ZNF628: variants seen among roughly 807,000 people sequenced by gnomAD.
ZNF628 encodes the protein zinc finger protein 628, also known as zinc finger protein Zec.
ZNF628 carries 3 observed loss-of-function variants against 2.5 expected under a neutral mutation model. That is an observed-to-expected ratio of 1.19 (90% CI 0.54 to 3.07). The LOEUF (loss-of-function observed/expected upper bound fraction) is 3.07. Ranked by LOEUF, ZNF628 falls within the 30% of genes most tolerant of loss-of-function variation. The pLI is 0.03. For synonymous variants in ZNF628, 861 were observed against 717.1 expected (o/e 1.20, Z -3.21); for missense variants, 1,610 against 1,517.1 (o/e 1.06, Z -1.02).
chr19:55,483,375 G>A lies in ZNF628; in HGVS notation c.2182G>A (p.Val728Met), dbSNP rs771919851. ...GGGCCTCCAGCTGATCCCCAGCAGCGTGCAGCCCCCTACACCTCCGCCCCC... is the reference window on the plus strand; with the variant it reads ...GGGCCTCCAGCTGATCCCCAGCAGCATGCAGCCCCCTACACCTCCGCCCCC... ...AQGLQLIPSS[V>M]QPPTPPPPPA... Residue 728 changes from valine (V) to methionine (M), a missense_variant, in exon 3 of 3, where the codon GTG becomes ATG. Physicochemically the swap from Val to Met is conservative, Grantham distance 21. Transcript: ENST00000598519. The A allele has an allele frequency of 2.3e-5, 36 of 1,542,318 alleles. No individual in the cohort carries two copies. Among genetic ancestry groups the A allele is most frequent in the Middle Eastern group, 3.3e-4 (2 of 5,984 alleles).
Position 55,483,075 on chromosome 19 carries a change from G to A in ZNF628, c.1882G>A (p.Gly628Ser), listed in dbSNP as rs748897137. ...GCGCCCCTTCACCTGCCCCATCTGC[G>A]GTCGCGGCTTCGTTATGGCCGCCTA... ...AERPFTCPIC[G>S]RGFVMAAYLQ... Residue 628 changes from glycine to serine, a missense_variant, in exon 3 of 3, where the codon GGT becomes AGT. Physicochemically the swap from Gly to Ser is moderately conservative, Grantham distance 56. This residue lies in a region of ZNF628 where 712 missense variants were observed against 603.6 expected (regional missense o/e 1.18). Coordinates refer to ENST00000598519, the MANE Select transcript of ZNF628 (RefSeq NM_033113.3). 3.7e-6 allele frequency: 6 copies of A among 1,609,624 alleles called. No individual in the cohort carries two copies. Among genetic ancestry groups the A allele is most frequent in the East Asian group, 4.5e-5 (2 of 44,864 alleles).
At chr19:55,477,267 C>T (rs1034624268) in intron 1 of ZNF628, among the ~76,000 whole-genome samples, 1 of 152,126 alleles carries the variant, frequency 6.6e-6, no homozygotes, top group African/African-American at 2.4e-5. Flanking sequence ...AAATGGGACC[C>T]CGCTCTTTCA....
In ZNF628 at chr19:55,482,225, GC is replaced by G; in HGVS notation, c.1037del (p.Pro346LeufsTer81). On this transcript the variant is annotated frameshift_variant, in exon 3 of 3. Transcript: ENST00000598519. LOFTEE classifies it low-confidence loss of function (END_TRUNC). Reference protein sequence around the residue: ...ADQPPSPLPQPPPPAAAPAPG... With the variant: ...ADQPPSPLPQXPPPAAAPAPG... ...ACCAGCCACCGTCCCCTCTGCCGCA[GC>G]CCCCTCCTCCCGCCGCCGCCCCCGC... 1.4e-6 allele frequency: 2 copies of G among 1,458,294 alleles called. No individual in the cohort carries two copies. The highest frequency in any genetic ancestry group is 1.8e-6 in the Non-Finnish European group (2 of 1,112,776). 90.3% of individuals were successfully genotyped at this position (1,458,294 alleles called of 1,614,324 possible). A position where few individuals can be genotyped will look rare whatever the true frequency, so the allele number is the denominator to read the frequency against.
rs1986549724 is a variant in ZNF628 at position 55,476,659 on chromosome 19, G to T, written c.-226G>T. The T allele has an allele frequency of 6.6e-6, 1 of 152,076 alleles. No individual in the cohort carries two copies. Among genetic ancestry groups the T allele is most frequent in the Non-Finnish European group, 1.5e-5 (1 of 67,992 alleles). 9.4% of individuals were successfully genotyped at this position (152,076 alleles called of 1,614,324 possible). On this transcript the variant is annotated 5_prime_UTR_variant, in exon 1 of 3. Coordinates refer to ENST00000598519, the MANE Select transcript of ZNF628 (RefSeq NM_033113.3). ...GCCGCCGATAAAGGTTGGGTGCCTC[G>T]CGCCGGGGGCCGTTGGGAGGGAGTG...
intron 1 of ZNF628, among the ~76,000 whole-genome samples, chr19:55,477,357 T>G (rs1456094688): frequency 2.6e-5 from 4 of 151,858 alleles, no homozygotes; most frequent in East Asian, 1.9e-4. Context: ...AGGTTTGTTT[T>G]TTTTTTTTTT....
In ZNF628 at chr19:55,483,300, G is replaced by T. The variant is rs958523259; in HGVS notation, c.2107G>T (p.Gly703Trp). 2.6e-6 allele frequency: 4 copies of T among 1,521,442 alleles called. No homozygotes were observed. In the Admixed American group the frequency reaches 8.4e-5, roughly 32 times the overall value. 94.2% of individuals were successfully genotyped at this position (1,521,442 alleles called of 1,614,324 possible). ...AGGTAQAPSLGPAAPNSQTFL... is the reference protein window; with the variant it reads ...AGGTAQAPSLWPAAPNSQTFL... The stretch of plus-strand genomic sequence containing the variant: ...GGGCACGGCCCAGGCCCCGAGCTTG[G>T]GGCCAGCAGCGCCCAACTCTCAGAC... Residue 703 changes from glycine to tryptophan, a missense_variant, in exon 3 of 3, where the codon GGG becomes TGG. This residue lies in a region of ZNF628 where 712 missense variants were observed against 603.6 expected (regional missense o/e 1.18). Transcript: ENST00000598519.
In ZNF628 at chr19:55,482,835, C is replaced by G. The variant is rs1347492002; in HGVS notation, c.1642C>G (p.Arg548Gly). ...CTGCGGGGAGTGTGGCAAGGCCTTC[C>G]GCAACACGTCGTGCCTGCGTCGCCA... The part of the protein sequence containing the change: ...YACGECGKAF[R>G]NTSCLRRHRH... The change falls in exon 3 of 3, where the codon CGC becomes GGC. Residue 548 changes from arginine to glycine, a missense_variant. Coordinates refer to ENST00000598519, the MANE Select transcript of ZNF628 (RefSeq NM_033113.3). 3 of 1,610,546 alleles carry G rather than the reference C, an allele frequency of 1.9e-6. No homozygotes were observed. In the African/African-American group the frequency reaches 4.0e-5, roughly 22 times the overall value.
Position 55,481,709 on chromosome 19 carries a change from C to T in ZNF628, c.516C>T (p.Gly172=). ...SLRRHRHVHT[G]ERPYTCGVCG... The stretch of plus-strand genomic sequence containing the variant: ...GGCGCCACCGCCACGTGCACACCGG[C>T]GAGCGGCCCTACACCTGTGGAGTCT... Residue 172 remains glycine, a synonymous_variant, in exon 3 of 3, where the codon GGC becomes GGT. Coordinates refer to ENST00000598519, the MANE Select transcript of ZNF628 (RefSeq NM_033113.3). The T allele has an allele frequency of 6.2e-7, 1 of 1,612,810 alleles. No individual in the cohort carries two copies. The highest frequency in any genetic ancestry group is 8.5e-7 in the Non-Finnish European group (1 of 1,179,502).
chr19:55,482,094 G>C lies in ZNF628; in HGVS notation c.901G>C (p.Glu301Gln). 1 of 1,511,346 alleles carries C rather than the reference G, an allele frequency of 6.6e-7. No individual in the cohort carries two copies. Among genetic ancestry groups the C allele is most frequent in the Non-Finnish European group, 8.8e-7 (1 of 1,131,588 alleles). The allele number at this position is 1,511,346 out of a possible 1,614,324, so 93.6% of individuals were successfully genotyped here. ...VELVYRCDGC[E>Q]QGFSSEELLL... ...GCTGGTGTACCGCTGCGATGGCTGC[G>C]AGCAGGGATTCAGCAGCGAGGAGCT... Residue 301 changes from glutamate to glutamine, a missense_variant, in exon 3 of 3, where the codon GAG becomes CAG. Physicochemically the swap from Glu to Gln is conservative, Grantham distance 29. Around this residue, in one of 5 missense-constraint regions of ZNF628, gnomAD observed 651 missense variants for 575.6 expected, o/e 1.13. Transcript: ENST00000598519.
chr19:55,482,434 C>T lies in ZNF628; in HGVS notation c.1241C>T (p.Ala414Val), dbSNP rs1223366259. Residue 414 changes from alanine to valine, a missense_variant, in exon 3 of 3, where the codon GCC (alanine) becomes GTC (valine). This residue lies in a region of ZNF628 where 651 missense variants were observed against 575.6 expected (regional missense o/e 1.13). Coordinates refer to ENST00000598519, the MANE Select transcript of ZNF628 (RefSeq NM_033113.3). ...CAGTGCCACGTGGAAGAGGCCGCGG[C>T]CGGGCGCCCGCCCCCGCAGGCTGAG... ...HQQCHVEEAA[A>V]GRPPPQAEAA... is the part of the protein sequence containing the mutation. 5.2e-6 allele frequency: 7 copies of T among 1,352,976 alleles called. No homozygotes were observed. In the South Asian group the frequency reaches 1.0e-4, roughly 20 times the overall value. The allele number at this position is 1,352,976 out of a possible 1,614,324, so 83.8% of individuals were successfully genotyped here.
In ZNF628 at chr19:55,482,963, C is replaced by T. The variant is rs773906342; in HGVS notation, c.1770C>T (p.Gly590=). The change falls in exon 3 of 3, where the codon GGC becomes GGT. Residue 590 remains glycine, a synonymous_variant. Transcript: ENST00000598519. ...NLRQHQRVHT[G]ERPFRCPLCP... ...GGCAGCACCAGCGCGTGCACACGGGCGAGCGGCCCTTCCGCTGCCCGCTCT... is the reference window on the plus strand; with the variant it reads ...GGCAGCACCAGCGCGTGCACACGGGTGAGCGGCCCTTCCGCTGCCCGCTCT... The T allele has an allele frequency of 1.2e-5, 20 of 1,610,612 alleles. No individual in the cohort carries two copies. In the South Asian group the frequency reaches 1.5e-4, roughly 12 times the overall value.
In ZNF628 at chr19:55,479,412, G is replaced by A. The variant is rs1409416685; in HGVS notation, c.-77-422G>A. 4.0e-5 allele frequency among the ~76,000 whole-genome samples: 6 copies of A among 151,844 alleles called. No individual in the cohort carries two copies. Among genetic ancestry groups the A allele is most frequent in the South Asian group, 4.1e-4 (2 of 4,828 alleles). ...GTCTGCAGCTGGACAGGGAAGTGGA[G>A]TGAAGAGCTTTTTGGTTTTTAAAGA... On this transcript the variant is annotated intron_variant, in intron 1 of 2. Coordinates refer to ENST00000598519, the MANE Select transcript of ZNF628 (RefSeq NM_033113.3). The surrounding 1 kb of genome is among the most constrained non-coding windows in gnomAD (Gnocchi z 5.1).
At position 55,483,388 on chromosome 19, in the gene ZNF628, C is replaced by A; in HGVS notation, c.2195C>A (p.Thr732Lys). ...QLIPSSVQPP[T>K]PPPPPAPPKL... is the part of the protein sequence containing the mutation. ...ATCCCCAGCAGCGTGCAGCCCCCTA[C>A]ACCTCCGCCCCCTCCCGCACCTCCC... is the stretch of plus-strand genomic sequence containing the variant. Residue 732 changes from threonine to lysine, a missense_variant, in exon 3 of 3, where the codon ACA becomes AAA. Thr to Lys is a moderately conservative substitution (Grantham distance 78). Transcript: ENST00000598519. 1 of 1,536,876 alleles carries A rather than the reference C, an allele frequency of 6.5e-7. No individual in the cohort carries two copies. Among genetic ancestry groups the A allele is most frequent in the Non-Finnish European group, 8.7e-7 (1 of 1,143,418 alleles).
chr19:55,477,570 C>T (rs1291822740), intron 1 of ZNF628, among the ~76,000 whole-genome samples: 1 of 151,972 alleles, frequency 6.6e-6, no homozygotes, highest in Non-Finnish European at 1.5e-5. Context: ...AAGACCAGCC[C>T]AGGCAATATG....
rs1986700435 is a variant in ZNF628 at position 55,481,539 on chromosome 19, G to A, written c.346G>A (p.Gly116Ser). 2 of 1,613,242 alleles carry A rather than the reference G, an allele frequency of 1.2e-6. No homozygotes were observed. Among genetic ancestry groups the A allele is most frequent in the Non-Finnish European group, 1.7e-6 (2 of 1,179,656 alleles). The change falls in exon 3 of 3, where the codon GGC becomes AGC. Residue 116 changes from glycine to serine, a missense_variant. This residue lies in a region of ZNF628 where 166 missense variants were observed against 241.3 expected (regional missense o/e 0.69). Coordinates refer to ENST00000598519, the MANE Select transcript of ZNF628 (RefSeq NM_033113.3). ...GCAGATCCACCGTAGCGTGCACACC[G>A]GCCTGCGGGCCTTCATCTGCGGCCA... is the stretch of plus-strand genomic sequence containing the variant. Reference protein sequence around the residue: ...LLQIHRSVHTGLRAFICGQCG... With the variant: ...LLQIHRSVHTSLRAFICGQCG...
At chr19:55,477,306 C>T (rs531086443) in intron 1 of ZNF628, among the ~76,000 whole-genome samples, 1 of 151,406 alleles carries the variant, frequency 6.6e-6, no homozygotes, top group Non-Finnish European at 1.5e-5. Context: ...TAAGGAGATG[C>T]TGGGGCTTCT....
chr19:55,478,573 T>G (rs1176158764), intron 1 of ZNF628, among the ~76,000 whole-genome samples: 1 of 152,092 alleles, frequency 6.6e-6, no homozygotes, highest in African/African-American at 2.4e-5. Flanking sequence ...GATTTCTGAG[T>G]ACAGGAATGC....
chr19:55,480,807 G>A (rs2123410225), intron 2 of ZNF628, among the ~76,000 whole-genome samples: 1 of 152,338 alleles, frequency 6.6e-6, no homozygotes, highest in South Asian at 2.1e-4. Context: ...TAAGGTCTTA[G>A]AGGGAGAGCA....
At position 55,483,445 on chromosome 19, in the gene ZNF628, G is replaced by T; in HGVS notation, c.2252G>T (p.Gly751Val). ...ATCCTGCTGCCCTCCTCCAGTGCTG[G>T]GGCTGGGGGCGGCCGTGCAAGGCAG... ...KLILLPSSSA[G>V]AGGGRARQGP... Residue 751 changes from glycine to valine, a missense_variant, in exon 3 of 3, where the codon GGG becomes GTG. Gly to Val is a moderately radical substitution (Grantham distance 109, BLOSUM62 -3). Around this residue, in one of 5 missense-constraint regions of ZNF628, gnomAD observed 712 missense variants for 603.6 expected, o/e 1.18. Coordinates refer to ENST00000598519, the MANE Select transcript of ZNF628 (RefSeq NM_033113.3). The T allele has an allele frequency of 6.6e-7, 1 of 1,510,936 alleles. No individual in the cohort carries two copies. The highest frequency in any genetic ancestry group is 8.8e-7 in the Non-Finnish European group (1 of 1,131,816). 93.6% of individuals were successfully genotyped at this position (1,510,936 alleles called of 1,614,324 possible).
Sources: gnomAD v4.1 joint callset for allele counts (sites outside exome capture counted in the v4.1 genomes callset) on GRCh38, gnomAD v4.1.1 for gene constraint, gnomAD v4.1.1 regional missense constraint, Gnocchi (gnomAD v3.1) non-coding constraint, MANE v1.5 for transcripts, NCBI Gene and HGNC (gene_info 2026-07-23, HGNC 2026-07-21) for gene names.